Variants in CORO2A observed in about 807,000 individuals in gnomAD.
The protein encoded by CORO2A is coronin 2A.
Under a neutral mutation model 62.4 loss-of-function variants are expected in CORO2A, and 47 were observed. The observed-to-expected ratio is 0.75, with a 90% CI of 0.60 to 0.96. The LOEUF is 0.96. CORO2A is among the 40% of genes least tolerant of loss of function. The pLI is 0.00. For missense variants in CORO2A, 610 were observed against 684.1 expected (o/e 0.89, Z 1.21); for synonymous variants, 273 against 268.9 (o/e 1.02, Z -0.15).
At chr9:98,147,156 C>T (rs1827653553) in intron 2 of CORO2A, among the ~76,000 whole-genome samples, 1 of 151,648 alleles carries the variant, frequency 6.6e-6, no homozygotes, top group Non-Finnish European at 1.5e-5. Context: ...AGATGTGGAC[C>T]CCATCTGGAC....
chr9:98,134,258 T>C lies in CORO2A; in HGVS notation c.468+548A>G, dbSNP rs141197968. 5.5e-3 allele frequency among the ~76,000 whole-genome samples: 844 copies of C among 152,330 alleles called. 7 individuals carry two copies. The highest frequency in any genetic ancestry group is 0.019 in the African/African-American group (774 of 41,572). ...ACTGAGTCGGAATAGAATTGAGGTCTCCTGTACTGTGGGTCCCAATCTACA... is the reference window on the plus strand; with the variant it reads ...ACTGAGTCGGAATAGAATTGAGGTCCCCTGTACTGTGGGTCCCAATCTACA... On this transcript the variant is annotated intron_variant, in intron 4 of 11. Coordinates refer to ENST00000375077, the MANE Select transcript of CORO2A (RefSeq NM_052820.4).
At chr9:98,167,011 G>A (rs1827970268) in intron 1 of CORO2A, among the ~76,000 whole-genome samples, 1 of 151,638 alleles carries the variant, frequency 6.6e-6, no homozygotes, top group African/African-American at 2.4e-5. Flanking sequence ...GGTCAAGGTG[G>A]GAGGATCACT....
chr9:98,146,148 C>T (rs1827641607), intron 2 of CORO2A, among the ~76,000 whole-genome samples: 1 of 152,200 alleles, frequency 6.6e-6, no homozygotes. Flanking sequence ...AGGGCTGACC[C>T]CCAGGGGCTC....
At chr9:98,187,983 C>T (rs1411603265) in intron 1 of CORO2A, among the ~76,000 whole-genome samples, 3 of 152,216 alleles carry the variant, frequency 2.0e-5, no homozygotes, top group Non-Finnish European at 4.4e-5. Flanking sequence ...AAAAGAGTAG[C>T]TCCGTCATAC....
At chr9:98,129,705 C>T (rs1587991187) in intron 8 of CORO2A, 89 bp downstream of exon 8, 1 of 963,192 alleles carries the variant, frequency 1.0e-6, no homozygotes. Context: ...CTCCCCAGAC[C>T]CCGCACTGAA....
intron 11 of CORO2A, among the ~76,000 whole-genome samples, chr9:98,125,588 C>T (rs1827304704): frequency 6.6e-6 from 1 of 151,986 alleles, no homozygotes; most frequent in African/African-American, 2.4e-5. Flanking sequence ...GGATCTGCCA[C>T]ACAGTAGGCA....
chr9:98,162,698 T>C (rs1827902632), intron 1 of CORO2A, among the ~76,000 whole-genome samples: 2 of 152,266 alleles, frequency 1.3e-5, no homozygotes, highest in South Asian at 2.1e-4. Flanking sequence ...CATGAGCGCC[T>C]GTGTCGTTTT....
chr9:98,176,642 C>T (rs1236959482), intron 1 of CORO2A, among the ~76,000 whole-genome samples: 1 of 152,116 alleles, frequency 6.6e-6, no homozygotes, highest in East Asian at 1.9e-4. Flanking sequence ...CCATGTCCTC[C>T]CCATTTTGGT....
rs77947501 is a variant in CORO2A, at chr9:98,139,971, C to T, written c.202-2283G>A. Among the ~76,000 whole-genome samples, 302 of 152,286 alleles carry T rather than the reference C, an allele frequency of 2.0e-3. 1 individual carries two copies. Among genetic ancestry groups the T allele is most frequent in the African/African-American group, 7.1e-3 (296 of 41,544 alleles). On this transcript the variant is annotated intron_variant, in intron 2 of 11. Transcript: ENST00000375077. ...AGCCCTGAAGCTATTTCCAACTCCA[C>T]CAAGAGACTTGGATTTCTTGGGGTC...
chr9:98,191,303 C>T (rs2118952546), intron 1 of CORO2A, among the ~76,000 whole-genome samples: 1 of 152,298 alleles, frequency 6.6e-6, no homozygotes, highest in Non-Finnish European at 1.5e-5. Flanking sequence ...AGTCCTGATG[C>T]ACAGGTGGGT....
chr9:98,185,376 T>G (rs1828226050), intron 1 of CORO2A, among the ~76,000 whole-genome samples: 1 of 152,214 alleles, frequency 6.6e-6, no homozygotes, highest in Non-Finnish European at 1.5e-5. Flanking sequence ...AGGCAGGAAT[T>G]ATTCTTCCCC....
chr9:98,144,488 T>A (rs994691107), intron 2 of CORO2A, among the ~76,000 whole-genome samples: 4 of 152,180 alleles, frequency 2.6e-5, no homozygotes, highest in African/African-American at 7.2e-5. Context: ...ACTGAGGACA[T>A]ACTATGTGCC....
rs746005092 is a variant in CORO2A at position 98,134,836 on chromosome 9, G to A, written c.438C>T (p.Asn146=). 7 of 1,613,800 alleles carry A rather than the reference G, an allele frequency of 4.3e-6. No homozygotes were observed. The highest frequency in any genetic ancestry group is 2.7e-5 in the African/African-American group (2 of 74,920). ...AGTCATAGCCAGCACTGAAGAGGATGTTGGCGGCCGTGGGGTGCCACTCCA... is the reference window on the plus strand; with the variant it reads ...AGTCATAGCCAGCACTGAAGAGGATATTGGCGGCCGTGGGGTGCCACTCCA... ...GLVEWHPTAA[N]ILFSAGYDYK... Residue 146 remains asparagine, a synonymous_variant, in exon 4 of 12, where the codon AAC becomes AAT. Coordinates refer to ENST00000375077, the MANE Select transcript of CORO2A (RefSeq NM_052820.4).
intron 2 of CORO2A, among the ~76,000 whole-genome samples, chr9:98,151,057 C>T (rs559075829): frequency 8.5e-5 from 13 of 152,320 alleles, no homozygotes; most frequent in African/African-American, 3.1e-4. Flanking sequence ...AGTTGCACCT[C>T]CATGCCTTTG....
chr9:98,162,731 A>G (rs551254438), intron 1 of CORO2A, among the ~76,000 whole-genome samples: 1 of 152,252 alleles, frequency 6.6e-6, no homozygotes, highest in Admixed American at 6.5e-5. Flanking sequence ...GCACGTGTGC[A>G]TCCCTTTGGA....
intron 8 of CORO2A, 58 bp from the exon 9 acceptor site, chr9:98,128,777 G>A (rs1827365368): frequency 6.9e-7 from 1 of 1,448,288 alleles, no homozygotes; most frequent in Non-Finnish European, 9.7e-7. Context: ...ACAGTGTTAG[G>A]GCCAAAGCCA....
chr9:98,181,336 T>C (rs959608743), intron 1 of CORO2A, among the ~76,000 whole-genome samples: 1 of 137,826 alleles, frequency 7.3e-6, no homozygotes, highest in African/African-American at 2.7e-5. Context: ...CTCTCTTGCT[T>C]TTTTTTTTTT....
chr9:98,180,349 T>C (rs1828162256), intron 1 of CORO2A, among the ~76,000 whole-genome samples: 1 of 152,106 alleles, frequency 6.6e-6, no homozygotes, highest in Non-Finnish European at 1.5e-5. Context: ...CTTAGAGAAG[T>C]GCTCCCTCTT....
At chr9:98,133,906 T>A (rs1827447108) in intron 4 of CORO2A, among the ~76,000 whole-genome samples, 1 of 151,802 alleles carries the variant, frequency 6.6e-6, no homozygotes, top group Admixed American at 6.6e-5. Context: ...TGACGCATTT[T>A]CCCACACCTG....
Sources: allele counts gnomAD v4.1 joint callset (sites outside exome capture counted in the v4.1 genomes callset), GRCh38; gene constraint gnomAD v4.1.1; transcripts MANE v1.5; gene names NCBI Gene and HGNC (gene_info 2026-07-23, HGNC 2026-07-21).